The following FBXW8 variants were observed in gnomAD, a reference collection of about 807,000 sequenced individuals.
FBXW8 encodes F-box and WD repeat domain containing 8, also known as F-box/WD repeat-containing protein 8.
FBXW8 carries 57 observed loss-of-function variants against 65.3 expected under a neutral mutation model. The observed-to-expected ratio is 0.87, with a 90% confidence interval of 0.71 to 1.09. The LOEUF (loss-of-function observed/expected upper bound fraction) is 1.09, where lower values mean the gene tolerates loss of function less well. Ranked by LOEUF, FBXW8 falls within the 50% of genes least tolerant of loss-of-function variation. The pLI is 0.00. For synonymous variants in FBXW8, 308 were observed against 330.2 expected, an observed-to-expected ratio of 0.93 and a Z score of 0.73; for missense variants, 777 against 814.8, an observed-to-expected ratio of 0.95 and a Z score of 0.57.
chr12:116,969,110 G>T (rs1884496085), intron 5 of FBXW8, among the ~76,000 whole-genome samples: 1 of 152,144 alleles, frequency 6.6e-6, no homozygotes, highest in Non-Finnish European at 1.5e-5. Flanking sequence ...TTTACATCAA[G>T]CTTGTCAGTC....
intron 2 of FBXW8, among the ~76,000 whole-genome samples, chr12:116,934,936 C>T (rs1046576978): frequency 1.3e-5 from 2 of 152,134 alleles, no homozygotes; most frequent in African/African-American, 4.8e-5. Flanking sequence ...GCCACACTGG[C>T]CTCAAGTCCT....
chr12:117,000,075 G>A (rs1455650437), intron 7 of FBXW8, among the ~76,000 whole-genome samples: 2 of 146,182 alleles, frequency 1.4e-5, no homozygotes, highest in Admixed American at 7.4e-5. Flanking sequence ...TCCGCCTCCC[G>A]GGTTCTCGCC....
intron 5 of FBXW8, among the ~76,000 whole-genome samples, chr12:116,972,360 A>G (rs1370267363): frequency 6.6e-6 from 1 of 152,238 alleles, no homozygotes; most frequent in Non-Finnish European, 1.5e-5. Context: ...GAGAGAATTT[A>G]ATTTCCCTTT....
Position 116,933,021 on chromosome 12 carries a change from T to TTA in FBXW8, c.423+4894_423+4895insTA, listed in dbSNP as rs1555217310. On this transcript the variant is annotated intron_variant, in intron 2 of 10. Coordinates refer to ENST00000652555, the MANE Select transcript of FBXW8 (RefSeq NM_153348.3). ...AATTATTTAAAGGCTAAAATTCACT[T>TTA]AAAAAAAATGTGCTGAAGTGTAAAC... Among the ~76,000 whole-genome samples, 299 of 151,908 alleles carry TTA rather than the reference T, an allele frequency of 2.0e-3. 2 individuals are homozygous for TTA. The Middle Eastern group carries it at 0.02, about 10-fold the overall frequency.
rs1882175291 is a variant in FBXW8, at chr12:116,936,564, G to A, written c.423+8437G>A. 6.6e-6 allele frequency among the ~76,000 whole-genome samples: 1 copy of A among 152,140 alleles called. No individual in the cohort carries two copies. The highest frequency in any genetic ancestry group is 2.1e-4 in the South Asian group (1 of 4,822). On this transcript the variant is annotated intron_variant, in intron 2 of 10. Transcript: ENST00000652555. This position sits in a 1 kb window ranked among gnomAD's most constrained non-coding sequence, Gnocchi z 4.6. ...TGTGTTGCTGGCCTTGAAGGTGGAG[G>A]AAGGGGCCACAAACCAAGGAATGTA...
intron 5 of FBXW8, chr12:116,978,464 GA>G (rs1885099144): frequency 6.6e-6 from 1 of 152,176 alleles, no homozygotes; most frequent in African/African-American, 2.4e-5. Context: ...TTTGACTCCT[GA>G]TTAATTTCTG....
chr12:116,990,321 G>T (rs149185491), intron 7 of FBXW8, among the ~76,000 whole-genome samples: 1 of 152,184 alleles, frequency 6.6e-6, no homozygotes, highest in Non-Finnish European at 1.5e-5. Context: ...GGGCATCTCC[G>T]TTGTGTCCTA....
At chr12:116,942,770 ATTTTTTTTTTTTT>A (rs71099022) in intron 2 of FBXW8, among the ~76,000 whole-genome samples, 2 of 64,358 alleles carry the variant, frequency 3.1e-5, no homozygotes, top group Non-Finnish European at 5.5e-5. Flanking sequence ...CAGAGCTTCT[ATTTTTTTTTTTTT>A]TTTTTTTTTT....
chr12:116,981,088 T>A (rs1885275078), intron 5 of FBXW8, among the ~76,000 whole-genome samples: 1 of 152,232 alleles, frequency 6.6e-6, no homozygotes, highest in Admixed American at 6.5e-5. Flanking sequence ...CCTTTTTGGC[T>A]AAATGTAGCT....
chr12:116,978,205 G>C (rs892700160), intron 5 of FBXW8: 2 of 152,158 alleles, frequency 1.3e-5, no homozygotes, highest in South Asian at 4.1e-4. Flanking sequence ...TTCCTTTTTC[G>C]TGACCCTCCG....
intron 8 of FBXW8, among the ~76,000 whole-genome samples, chr12:117,022,839 C>A (rs1954132599): frequency 6.6e-6 from 1 of 152,194 alleles, no homozygotes; most frequent in African/African-American, 2.4e-5. Context: ...TTTCATCCTC[C>A]TTTACAGATG....
rs997917139 is a variant in FBXW8, at chr12:116,936,773, C to G, written c.424-8591C>G. Among the ~76,000 whole-genome samples the G allele has an allele frequency of 7.2e-5, 11 of 152,026 alleles. No individual in the cohort carries two copies. On this transcript the variant is annotated intron_variant, in intron 2 of 10. Transcript: ENST00000652555. This position sits in a 1 kb window ranked among gnomAD's most constrained non-coding sequence, Gnocchi z 4.6. ...TTAGCGCAGCCATAGGAGACTGATA[C>G]GGGGATGTGGTGAGCAGAAGGATAA...
rs889169121 is a variant in FBXW8, at chr12:117,029,009, T to C, written c.*837T>C. 1 of 152,128 alleles carries C rather than the reference T, an allele frequency of 6.6e-6. No individual in the cohort carries two copies. Among genetic ancestry groups the C allele is most frequent in the Non-Finnish European group, 1.5e-5 (1 of 68,014 alleles). The allele number at this position is 152,128 out of a possible 1,614,324, so 9.4% of individuals were successfully genotyped here. A position where few individuals can be genotyped will look rare whatever the true frequency, so the allele number is the denominator to read the frequency against. On this transcript the variant is annotated 3_prime_UTR_variant, in exon 11 of 11. Coordinates refer to ENST00000652555, the MANE Select transcript of FBXW8 (RefSeq NM_153348.3). ...TTCAGAATATCAAAGCGAAAACTGA[T>C]AGAACTACAAAGAGAAATAAAATCC...
chr12:116,937,233 G>T (rs1882229701), intron 2 of FBXW8, among the ~76,000 whole-genome samples: 1 of 152,180 alleles, frequency 6.6e-6, no homozygotes, highest in Non-Finnish European at 1.5e-5. Flanking sequence ...ATCACTCATT[G>T]GTTGTGAGGT....
intron 1 of FBXW8, among the ~76,000 whole-genome samples, chr12:116,925,361 G>T (rs4562927): frequency 0.66 from 100,959 of 152,076 alleles, 38,624 homozygotes; most frequent in Non-Finnish European, 0.84. Flanking sequence ...GAGTGGGACC[G>T]GAAGCGGGAT....
intron 8 of FBXW8, among the ~76,000 whole-genome samples, chr12:117,015,081 C>G (rs543364499): frequency 6.6e-6 from 1 of 152,152 alleles, no homozygotes; most frequent in African/African-American, 2.4e-5. Flanking sequence ...TCTTTGAGGA[C>G]GGCAGGGGCC....
At chr12:116,949,422 A>G (rs1883126466) in intron 3 of FBXW8, 196 bp from the exon 4 acceptor site, 1 of 596,520 alleles carries the variant, frequency 1.7e-6, no homozygotes. Context: ...TTTGGGATAT[A>G]TGGTAACTCG....
intron 1 of FBXW8, among the ~76,000 whole-genome samples, chr12:116,916,417 T>C (rs1354823396): frequency 6.6e-6 from 1 of 152,198 alleles, no homozygotes; most frequent in Non-Finnish European, 1.5e-5. Context: ...GACCCCAGCA[T>C]GGGCAAGATG....
chr12:117,022,403 C>T (rs1954120731), intron 8 of FBXW8, among the ~76,000 whole-genome samples: 1 of 151,256 alleles, frequency 6.6e-6, no homozygotes, highest in Non-Finnish European at 1.5e-5. Context: ...GCCTGTAATC[C>T]CGGCACTTTA....
Sources: gnomAD v4.1 joint callset for allele counts (sites outside exome capture counted in the v4.1 genomes callset) on GRCh38, gnomAD v4.1.1 for gene constraint, Gnocchi (gnomAD v3.1) non-coding constraint, MANE v1.5 for transcripts, NCBI Gene and HGNC (gene_info 2026-07-23, HGNC 2026-07-21) for gene names.